The following EYS variants were observed in gnomAD, a reference collection of about 807,000 sequenced individuals.
EYS encodes the protein EGF-like photoreceptor maintenance factor.
A neutral mutation model predicts 282.1 loss-of-function variants in EYS; 250 were observed. That is an observed-to-expected ratio of 0.89 (90% confidence interval 0.80 to 0.98). The LOEUF (loss-of-function observed/expected upper bound fraction) is 0.98, where lower values mean the gene tolerates loss of function less well. Among genes scored for constraint, EYS ranks in the 50% least tolerant of loss-of-function variants. The pLI is 0.00. For missense variants in EYS, 4,016 were observed against 3,709.0 expected, an observed-to-expected ratio of 1.08 and a Z score of -2.15; for synonymous variants, 1,355 against 1,282.9, an observed-to-expected ratio of 1.06 and a Z score of -1.20.
rs562283435 is a variant in EYS, at chr6:64,900,869, G to A, written c.2846+1244C>T. Among the ~76,000 whole-genome samples the A allele has an allele frequency of 3.9e-5, 6 of 152,196 alleles. No individual in the cohort carries two copies. The South Asian group carries it at 1.2e-3, about 32-fold the overall frequency. On this transcript the variant is annotated intron_variant, in intron 18 of 42. Coordinates refer to ENST00000503581, the MANE Select transcript of EYS (RefSeq NM_001142800.2). The stretch of plus-strand genomic sequence containing the variant: ...GGATCTAGAACTAGAAATACCATTT[G>A]AGCCAGTAATATAATTACTGGGCAT...
intron 35 of EYS, among the ~76,000 whole-genome samples, chr6:63,946,615 T>A (rs2149761623): frequency 6.6e-6 from 1 of 152,266 alleles, no homozygotes; most frequent in Admixed American, 6.5e-5. Context: ...AAAATTGGTT[T>A]ACACAAGGTG....
chr6:65,499,870 C>T (rs1055924091), intron 2 of EYS, among the ~76,000 whole-genome samples: 45 of 151,778 alleles, frequency 3.0e-4, no homozygotes, highest in African/African-American at 1.1e-3. Context: ...CGATTATGCT[C>T]CTACTATTGG....
intron 14 of EYS, among the ~76,000 whole-genome samples, chr6:64,969,713 T>G (rs932898301): frequency 2.0e-5 from 3 of 152,046 alleles, no homozygotes; most frequent in African/African-American, 7.2e-5. Context: ...CCCACATAGC[T>G]AGTGATGTTA....
intron 2 of EYS, among the ~76,000 whole-genome samples, chr6:65,625,621 A>G (rs767808351): frequency 6.6e-5 from 10 of 152,238 alleles, no homozygotes; most frequent in South Asian, 2.1e-4. Context: ...TAATTATAAC[A>G]TACATGTTTT....
At chr6:64,541,599 A>C (rs1251847265) in intron 26 of EYS, among the ~76,000 whole-genome samples, 3 of 151,998 alleles carry the variant, frequency 2.0e-5, no homozygotes, top group Non-Finnish European at 4.4e-5. Context: ...TTCACGTATT[A>C]CTAAAGTATA....
At chr6:65,216,351 G>A (rs1252948661) in intron 12 of EYS, among the ~76,000 whole-genome samples, 1 of 151,888 alleles carries the variant, frequency 6.6e-6, no homozygotes, top group Non-Finnish European at 1.5e-5. Flanking sequence ...ACATATATAA[G>A]TTATTTATAG....
At chr6:64,757,223 C>T (rs897037019) in intron 22 of EYS, among the ~76,000 whole-genome samples, 1 of 152,110 alleles carries the variant, frequency 6.6e-6, no homozygotes, top group Admixed American at 6.5e-5. Context: ...CTTATCATCT[C>T]CCCATAGAGG....
At chr6:65,041,270 C>A (rs183887313) in intron 13 of EYS, among the ~76,000 whole-genome samples, 1 of 151,702 alleles carries the variant, frequency 6.6e-6, no homozygotes, top group Non-Finnish European at 1.5e-5. Context: ...TCGTGGCTCA[C>A]GTTGCAGGTG....
chr6:65,615,134 T>C (rs187543620), intron 2 of EYS, among the ~76,000 whole-genome samples: 87 of 152,288 alleles, frequency 5.7e-4, no homozygotes, highest in Admixed American at 1.3e-3. Context: ...AGTAGGTTAA[T>C]TGAATTCGAA....
At chr6:65,332,323 C>T (rs1028911701) in intron 11 of EYS, 22 of 735,568 alleles carry the variant, frequency 3.0e-5, no homozygotes, top group African/African-American at 3.5e-5. Context: ...CTAAATCAAA[C>T]TTATATTCTT....
chr6:64,010,762 C>T (rs1220371267), intron 33 of EYS, among the ~76,000 whole-genome samples: 1 of 152,066 alleles, frequency 6.6e-6, no homozygotes, highest in Non-Finnish European at 1.5e-5. Flanking sequence ...ACACTGAAAC[C>T]GGAATCTTCG....
At chr6:64,964,834 C>A (rs1174218424) in intron 14 of EYS, among the ~76,000 whole-genome samples, 2 of 151,904 alleles carry the variant, frequency 1.3e-5, no homozygotes, top group Admixed American at 1.3e-4. Context: ...GAGTTCAAGA[C>A]CAGCCCGGTC....
At chr6:64,300,266 G>A (rs975088573) in intron 30 of EYS, among the ~76,000 whole-genome samples, 8 of 152,264 alleles carry the variant, frequency 5.3e-5, no homozygotes, top group African/African-American at 1.7e-4. Context: ...ACCCCAGGCC[G>A]ACAGGGGCCG....
chr6:64,119,915 C>CT (rs1773519650), intron 31 of EYS, among the ~76,000 whole-genome samples: 2 of 152,226 alleles, frequency 1.3e-5, no homozygotes, highest in South Asian at 4.1e-4. Flanking sequence ...CCATGATTAA[C>CT]TTTTTTATGT....
intron 14 of EYS, among the ~76,000 whole-genome samples, chr6:64,950,814 T>TATATAC (rs1327753036): frequency 2.4e-4 from 27 of 110,446 alleles, no homozygotes; most frequent in Middle Eastern, 4.6e-3. Context: ...TATATATATA[T>TATATAC]ATATATATAT....
chr6:65,253,570 T>C (rs1252813761), intron 12 of EYS, among the ~76,000 whole-genome samples: 1 of 151,892 alleles, frequency 6.6e-6, no homozygotes, highest in Non-Finnish European at 1.5e-5. Context: ...AGATATTTTA[T>C]AAGTCATATA....
chr6:64,112,935 G>A (rs1773256086), intron 31 of EYS, among the ~76,000 whole-genome samples: 1 of 151,704 alleles, frequency 6.6e-6, no homozygotes, highest in Non-Finnish European at 1.5e-5. Flanking sequence ...TTGTAGTCAG[G>A]AGACACTGCA....
At chr6:64,256,719 G>T (rs572418134) in intron 30 of EYS, among the ~76,000 whole-genome samples, 1 of 151,996 alleles carries the variant, frequency 6.6e-6, no homozygotes. Context: ...GTAGTAATTA[G>T]ATTTGTCATT....
chr6:63,890,406 C>T (rs1025168708), intron 35 of EYS, among the ~76,000 whole-genome samples: 1 of 152,180 alleles, frequency 6.6e-6, no homozygotes, highest in Non-Finnish European at 1.5e-5. Context: ...GTCTTTCAGA[C>T]CACAGTGCAA....
Sources: allele counts gnomAD v4.1 joint callset (sites outside exome capture counted in the v4.1 genomes callset), GRCh38; gene constraint gnomAD v4.1.1; transcripts MANE v1.5; gene names NCBI Gene and HGNC (gene_info 2026-07-23, HGNC 2026-07-21).